The following UROC1 variants were observed in gnomAD, a reference collection of about 807,000 sequenced individuals.
The protein encoded by UROC1 is urocanate hydratase.
UROC1 carries 79 observed loss-of-function variants against 89.5 expected under a neutral mutation model. The observed-to-expected ratio is 0.88, with a 90% CI of 0.74 to 1.06. The LOEUF (loss-of-function observed/expected upper bound fraction) is 1.06, where lower values mean the gene tolerates loss of function less well. UROC1 is among the 50% of genes least tolerant of loss of function. The pLI, the probability that UROC1 is intolerant of heterozygous loss-of-function variation, is 0.00. For missense variants in UROC1, 885 were observed against 907.8 expected, an observed-to-expected ratio of 0.97 and a Z score of 0.32; for synonymous variants, 361 against 354.8, an observed-to-expected ratio of 1.02 and a Z score of -0.20.
intron 17 of UROC1, 91 bp from the exon 18 acceptor site, chr3:126,488,370 T>G: frequency 6.8e-7 from 1 of 1,469,602 alleles, no homozygotes; most frequent in Non-Finnish European, 9.5e-7. Flanking sequence ...AAGCCAGCAC[T>G]GCTAGGCCAG....
chr3:126,513,135 GGT>G lies in UROC1; in HGVS notation c.127-2343_127-2342del, dbSNP rs56301013. Among the ~76,000 whole-genome samples, 1,337 of 147,270 alleles carry G rather than the reference GGT, an allele frequency of 9.1e-3. 11 individuals are homozygous for G. The highest frequency in any genetic ancestry group is 0.024 in the African/African-American group (956 of 40,160). On this transcript the variant is annotated intron_variant, in intron 1 of 19. Coordinates refer to ENST00000290868, the MANE Select transcript of UROC1 (RefSeq NM_144639.3). ...CAACGTTGTTCAGCCCACAGAGCAG[GGT>G]GTGTGTGTGTGTGTGTGTGTGTGTG...
At position 126,500,743 on chromosome 3, in the gene UROC1, CT is replaced by C; in HGVS notation, c.1096del (p.Ser366AlafsTer18). ...PVQLSFTEAQ[S>X]LMASNPAVFK... ...CACAGCAGGGTTGGAGGCCATGAGG[CT>C]CTGGGCCTCCGTGAAGCTGAGCTGC... On this transcript the variant is annotated frameshift_variant, in exon 11 of 20. Transcript: ENST00000290868. LOFTEE classifies it high-confidence loss of function. The C allele has an allele frequency of 6.2e-7, 1 of 1,614,128 alleles. No individual in the cohort carries two copies. The highest frequency in any genetic ancestry group is 8.5e-7 in the Non-Finnish European group (1 of 1,180,030).
rs766295863 is a variant in UROC1 at position 126,500,065 on chromosome 3, T to G, written c.1235A>C (p.Gln412Pro). 3.7e-6 allele frequency: 6 copies of G among 1,613,076 alleles called. No individual in the cohort carries two copies. In the Admixed American group the frequency reaches 8.3e-5, roughly 22 times the overall value. ...DYGNAFLLEA[Q>P]RAGADVEKKG... ...CTCCTCCTTCCTCCTACCTGCTCTC[T>G]GGGCCTCCAAGAGGAAGGCATTGCC... Residue 412 changes from glutamine (Q) to proline (P), a missense_variant, in exon 12 of 20, where the codon CAG (glutamine) becomes CCG (proline). Gln to Pro is a moderately conservative substitution (Grantham distance 76). Transcript: ENST00000290868.
chr3:126,483,328 G>A (rs763964471), intron 19 of UROC1, 41 bp downstream of exon 19: 1 of 1,579,230 alleles, frequency 6.3e-7, no homozygotes, highest in South Asian at 1.1e-5. Context: ...CCCAGCTGAA[G>A]GCCCTGCCTT....
chr3:126,483,593 G>T, intron 18 of UROC1, 125 bp from the exon 19 acceptor site: 1 of 876,928 alleles, frequency 1.1e-6, no homozygotes, highest in Non-Finnish European at 1.8e-6. Context: ...CACACCGCCA[G>T]CCTCTGCAAC....
chr3:126,491,094 G>C (rs1332473142), intron 16 of UROC1, among the ~76,000 whole-genome samples: 1 of 152,180 alleles, frequency 6.6e-6, no homozygotes, highest in Non-Finnish European at 1.5e-5. Flanking sequence ...GGCCAGGCCT[G>C]TTCCCACGTC....
chr3:126,482,356 G>C lies in UROC1; in HGVS notation c.2020C>G (p.Leu674Val). 10 of 1,613,228 alleles carry C rather than the reference G, an allele frequency of 6.2e-6. No homozygotes were observed. The highest frequency in any genetic ancestry group is 8.5e-6 in the Non-Finnish European group (10 of 1,179,868). The change falls in exon 20 of 20, where the codon CTG becomes GTG. Residue 674 changes from leucine (L) to valine (V), a missense_variant. Coordinates refer to ENST00000290868, the MANE Select transcript of UROC1 (RefSeq NM_144639.3). ...GACTCCTGGCTCCCTCAGAGCTGCA[G>C]GGCCTGCTGGAGCACCCGCTCGTCC... is the stretch of plus-strand genomic sequence containing the variant. ...VEDERVLQQALQL is the reference protein window; with the variant it reads ...VEDERVLQQAVQL
In UROC1 at chr3:126,498,141, G is replaced by A. The variant is rs137852795; in HGVS notation, c.1348C>T (p.Arg450Cys). The A allele has an allele frequency of 3.2e-5, 51 of 1,614,180 alleles. No individual in the cohort carries two copies. Among genetic ancestry groups the A allele is most frequent in the Middle Eastern group, 3.3e-4 (2 of 6,062 alleles). Residue 450 changes from arginine (R) to cysteine (C), a missense_variant, in exon 14 of 20, where the codon CGC (arginine) becomes TGC (cysteine). Arg to Cys is a radical substitution (Grantham distance 180, BLOSUM62 -3). Coordinates refer to ENST00000290868, the MANE Select transcript of UROC1 (RefSeq NM_144639.3). The stretch of plus-strand genomic sequence containing the variant: ...GGGTCCCCCGATGTGCACACCCAGC[G>A]GAAAGGCCCAAATCCCTGGGAGAAT... ...DIFSQGFGPF[R>C]WVCTSGDPQD...
At chr3:126,502,375 CAT>C (rs1316506589) in intron 9 of UROC1, among the ~76,000 whole-genome samples, 6 of 149,338 alleles carry the variant, frequency 4.0e-5, no homozygotes, top group Non-Finnish European at 5.9e-5. Flanking sequence ...TGTTTGTGTA[CAT>C]GTGTTTACAT....
intron 16 of UROC1, among the ~76,000 whole-genome samples, chr3:126,489,874 A>G (rs918610691): frequency 3.9e-5 from 6 of 152,172 alleles, no homozygotes; most frequent in Non-Finnish European, 7.3e-5. Flanking sequence ...TGTCGAGGAG[A>G]GTACTAAACA....
chr3:126,513,458 A>G (rs1436280717), intron 1 of UROC1, among the ~76,000 whole-genome samples: 1 of 152,230 alleles, frequency 6.6e-6, no homozygotes. Flanking sequence ...GGGTGCGGAC[A>G]GCGCTCTGGG....
intron 4 of UROC1, among the ~76,000 whole-genome samples, 154 bp downstream of exon 4, chr3:126,508,262 T>A (rs1936115496): frequency 1.3e-5 from 2 of 151,928 alleles, no homozygotes; most frequent in Non-Finnish European, 2.9e-5. Context: ...TCCTATAACC[T>A]GAAATTTCCC....
chr3:126,490,669 C>CA lies in UROC1; in HGVS notation c.1609-1295dup, dbSNP rs1218674342. Among the ~76,000 whole-genome samples the CA allele has an allele frequency of 8.0e-3, 1,019 of 127,940 alleles. 8 individuals carry two copies. The highest frequency in any genetic ancestry group is 0.02 in the African/African-American group (693 of 34,592). The allele number at this position is 127,940 out of a possible 152,430, so 83.9% of individuals were successfully genotyped here. A position where few individuals can be genotyped will look rare whatever the true frequency, so the allele number is the denominator to read the frequency against. The stretch of plus-strand genomic sequence containing the variant: ...CTGGGCTATGGAGTGAGTCTTTCTC[C>CA]AAAAAAAAAAAAAGAGGAAAGAAAA... On this transcript the variant is annotated intron_variant, in intron 16 of 19. Coordinates refer to ENST00000290868, the MANE Select transcript of UROC1 (RefSeq NM_144639.3).
intron 8 of UROC1, 99 bp downstream of exon 8, chr3:126,505,602 A>G (rs1576726210): frequency 6.8e-7 from 1 of 1,479,554 alleles, no homozygotes; most frequent in Non-Finnish European, 8.9e-7. Context: ...AAGGATGAGA[A>G]GGGGGGTCTG....
intron 9 of UROC1, among the ~76,000 whole-genome samples, chr3:126,503,604 G>C (rs1301844328): frequency 6.6e-6 from 1 of 152,244 alleles, no homozygotes; most frequent in East Asian, 1.9e-4. Flanking sequence ...AGGCCGGGTG[G>C]CTCTGCGAGC....
chr3:126,482,441 G>T lies in UROC1; in HGVS notation c.1935C>A (p.Ile645=). Residue 645 remains isoleucine (I), a synonymous_variant, in exon 20 of 20, where the codon ATC becomes ATA. Transcript: ENST00000290868. ...CWSGNQKAYE[I]ICQTMQENST... ...TGTTCTCCTGCATGGTCTGGCAGATGATCTCATAGGCCTTCTGGTTCCCTG... is the reference window on the plus strand; with the variant it reads ...TGTTCTCCTGCATGGTCTGGCAGATTATCTCATAGGCCTTCTGGTTCCCTG... 1 of 1,614,036 alleles carries T rather than the reference G, an allele frequency of 6.2e-7. No individual in the cohort carries two copies. The highest frequency in any genetic ancestry group is 8.5e-7 in the Non-Finnish European group (1 of 1,180,012).
intron 19 of UROC1, 94 bp downstream of exon 19, chr3:126,483,275 C>T: frequency 4.2e-6 from 5 of 1,185,026 alleles, no homozygotes; most frequent in South Asian, 2.5e-5. Flanking sequence ...CCCATCCCCA[C>T]ACCCAGGAGA....
chr3:126,490,918 G>T (rs1193283244), intron 16 of UROC1, among the ~76,000 whole-genome samples: 2 of 152,150 alleles, frequency 1.3e-5, no homozygotes, highest in Admixed American at 1.3e-4. Context: ...CTATCACCAG[G>T]TCCTGGAAAC....
intron 18 of UROC1, among the ~76,000 whole-genome samples, chr3:126,486,856 G>A (rs1275904314): frequency 6.6e-6 from 1 of 152,242 alleles, no homozygotes; most frequent in Non-Finnish European, 1.5e-5. Context: ...AGCCATGGTT[G>A]AGGGATAGAC....
Sources: gnomAD v4.1 joint callset for allele counts (sites outside exome capture counted in the v4.1 genomes callset) on GRCh38, gnomAD v4.1.1 for gene constraint, MANE v1.5 for transcripts, NCBI Gene and HGNC (gene_info 2026-07-23, HGNC 2026-07-21) for gene names.